The following NOS1AP variants were observed in gnomAD, a reference collection of about 807,000 sequenced individuals.
NOS1AP encodes the protein carboxyl-terminal PDZ ligand of neuronal nitric oxide synthase protein.
In NOS1AP, 21 loss-of-function variants were observed where a neutral mutation model predicts 56.2. The ratio of observed to expected loss-of-function variants is 0.37; its 90% CI spans 0.26 to 0.54. The LOEUF is 0.54. NOS1AP is among the 20% of genes least tolerant of loss of function. NOS1AP has a pLI of 0.84. For synonymous variants in NOS1AP, 270 were observed against 274.6 expected, an observed-to-expected ratio of 0.98 and a Z score of 0.17; for missense variants, 522 against 657.8, an observed-to-expected ratio of 0.79 and a Z score of 2.26.
At chr1:162,111,971 A>T (rs142886429) in intron 1 of NOS1AP, among the ~76,000 whole-genome samples, 179 of 152,316 alleles carry the variant, frequency 1.2e-3, no homozygotes, top group African/African-American at 4.0e-3. Context: ...GAGATGAAAT[A>T]TTCAAACCCA....
intron 2 of NOS1AP, among the ~76,000 whole-genome samples, chr1:162,184,837 C>G (rs1651374286): frequency 6.6e-6 from 1 of 152,204 alleles, no homozygotes; most frequent in South Asian, 2.1e-4. Context: ...GTGATTTCAG[C>G]TGTTGAATAA....
chr1:162,160,890 G>T (rs1000506923), intron 2 of NOS1AP, among the ~76,000 whole-genome samples: 1 of 152,158 alleles, frequency 6.6e-6, no homozygotes, highest in Non-Finnish European at 1.5e-5. Flanking sequence ...CCAAAATGGG[G>T]CTAAAATCAA....
chr1:162,362,985 A>G (rs936452094), intron 8 of NOS1AP: 20 of 874,466 alleles, frequency 2.3e-5, no homozygotes, highest in Non-Finnish European at 2.5e-5. Flanking sequence ...ACATACTTCT[A>G]TGACCAAATG....
chr1:162,345,759 T>A (rs1033120292), intron 6 of NOS1AP, among the ~76,000 whole-genome samples: 10 of 152,228 alleles, frequency 6.6e-5, no homozygotes, highest in Non-Finnish European at 1.2e-4. Context: ...AGTTTACTCT[T>A]CTGAAAAACA....
intron 2 of NOS1AP, among the ~76,000 whole-genome samples, chr1:162,170,759 C>T (rs1476562182): frequency 2.0e-5 from 3 of 151,842 alleles, no homozygotes; most frequent in Admixed American, 6.6e-5. Context: ...AACCCTGTCT[C>T]GACTAAAAAT....
chr1:162,234,037 C>T (rs1183261765), intron 2 of NOS1AP, among the ~76,000 whole-genome samples: 1 of 152,128 alleles, frequency 6.6e-6, no homozygotes, highest in African/African-American at 2.4e-5. Context: ...GGTTTTAACA[C>T]CCAAGGAATT....
chr1:162,158,238 T>C (rs116388361), intron 2 of NOS1AP, among the ~76,000 whole-genome samples: 46 of 152,354 alleles, frequency 3.0e-4, no homozygotes, highest in African/African-American at 1.1e-3. Context: ...TGAAATCATA[T>C]AGTATTTGTC....
chr1:162,294,881 C>T (rs1197366928), intron 3 of NOS1AP, among the ~76,000 whole-genome samples: 1 of 152,210 alleles, frequency 6.6e-6, no homozygotes, highest in East Asian at 1.9e-4. Flanking sequence ...TCCCCACTCA[C>T]AATTTTTTCT....
chr1:162,303,830 T>G (rs1370567571), intron 4 of NOS1AP, among the ~76,000 whole-genome samples: 1 of 152,142 alleles, frequency 6.6e-6, no homozygotes, highest in Non-Finnish European at 1.5e-5. Context: ...TCTTGAGAGT[T>G]CTTTATAAAT....
intron 1 of NOS1AP, among the ~76,000 whole-genome samples, chr1:162,114,556 G>C (rs1647857017): frequency 6.6e-6 from 1 of 152,140 alleles, no homozygotes; most frequent in Non-Finnish European, 1.5e-5. Context: ...GATAACCAGG[G>C]ACTGTAACCT....
chr1:162,337,028 T>C (rs1366246473), intron 5 of NOS1AP, among the ~76,000 whole-genome samples: 1 of 152,234 alleles, frequency 6.6e-6, no homozygotes. Flanking sequence ...TAGTATTCAT[T>C]TGCAGGGCCT....
intron 2 of NOS1AP, among the ~76,000 whole-genome samples, chr1:162,271,173 C>T (rs926772297): frequency 1.3e-5 from 2 of 151,442 alleles, no homozygotes; most frequent in Middle Eastern, 6.8e-3. Flanking sequence ...CTTCTTCCCT[C>T]CCCCAACACC....
intron 2 of NOS1AP, among the ~76,000 whole-genome samples, chr1:162,233,263 G>A (rs1653183141): frequency 6.6e-6 from 1 of 152,132 alleles, no homozygotes; most frequent in African/African-American, 2.4e-5. Context: ...CATGGCCAAA[G>A]CAAACAGAGC....
intron 2 of NOS1AP, among the ~76,000 whole-genome samples, chr1:162,239,254 G>A (rs1466415196): frequency 1.3e-5 from 2 of 152,180 alleles, no homozygotes; most frequent in Non-Finnish European, 2.9e-5. Flanking sequence ...GCCTCTAGGA[G>A]AGCCGAGGAA....
chr1:162,212,605 G>A lies in NOS1AP; in HGVS notation c.177+58129G>A, dbSNP rs1030636226. On this transcript the variant is annotated intron_variant, in intron 2 of 9. Transcript: ENST00000361897. Reference sequence around the variant, plus strand: ...GGTGGTGGTAGTGGAAGAGTGGTAAGGGATATAGGATAAGAACAGGGGTAA... The same window carrying A: ...GGTGGTGGTAGTGGAAGAGTGGTAAAGGATATAGGATAAGAACAGGGGTAA... Among the ~76,000 whole-genome samples, 46 of 152,160 alleles carry A rather than the reference G, an allele frequency of 3.0e-4. 1 individual carries two copies. Among genetic ancestry groups the A allele is most frequent in the African/African-American group, 1.1e-3 (45 of 41,434 alleles).
chr1:162,084,553 G>A lies in NOS1AP; in HGVS notation c.105+14271G>A, dbSNP rs11578553. On this transcript the variant is annotated intron_variant, in intron 1 of 9. Coordinates refer to ENST00000361897, the MANE Select transcript of NOS1AP (RefSeq NM_014697.3). ...GTTGCCAGGTGAGGTGGATGTTCCA[G>A]CTTCCCATTTGGTGTTGCCACTATC... Among the ~76,000 whole-genome samples, 336 of 152,308 alleles carry A rather than the reference G, an allele frequency of 2.2e-3. 1 individual carries two copies. Among genetic ancestry groups the A allele is most frequent in the Non-Finnish European group, 3.3e-3 (224 of 68,008 alleles).
intron 4 of NOS1AP, among the ~76,000 whole-genome samples, chr1:162,310,993 A>G (rs140325053): frequency 1.4e-4 from 21 of 151,968 alleles, no homozygotes; most frequent in Middle Eastern, 3.4e-3. Flanking sequence ...CTTTCTCCCT[A>G]CAAATATGTT....
chr1:162,206,400 CTG>C (rs1652165936), intron 2 of NOS1AP, among the ~76,000 whole-genome samples: 1 of 152,248 alleles, frequency 6.6e-6, no homozygotes, highest in Non-Finnish European at 1.5e-5. Context: ...CAAGTCAAAT[CTG>C]TGTCTTCCCT....
intron 2 of NOS1AP, among the ~76,000 whole-genome samples, chr1:162,210,419 A>G (rs939810968): frequency 1.3e-5 from 2 of 152,304 alleles, no homozygotes; most frequent in South Asian, 4.1e-4. Flanking sequence ...CTATCTCCCC[A>G]TGGCTCTGAA....
Sources: allele counts gnomAD v4.1 joint callset (sites outside exome capture counted in the v4.1 genomes callset), GRCh38; gene constraint gnomAD v4.1.1; transcripts MANE v1.5; gene names NCBI Gene and HGNC (gene_info 2026-07-23, HGNC 2026-07-21).